The following ABCA5 variants were observed in gnomAD, a reference collection of about 807,000 sequenced individuals.
ABCA5 encodes cholesterol transporter ABCA5.
Under a neutral mutation model 206.0 loss-of-function variants are expected in ABCA5, and 163 were observed. That is an observed-to-expected ratio of 0.79 (90% confidence interval 0.70 to 0.90). The LOEUF is 0.90. ABCA5 is among the 40% of genes least tolerant of loss of function. The probability of loss-of-function intolerance (pLI) is 0.00; values close to 1 mark genes in which losing one functional copy is unlikely to be tolerated. For synonymous variants in ABCA5, 609 were observed against 613.8 expected, an observed-to-expected ratio of 0.99 and a Z score of 0.11; for missense variants, 1,859 against 1,912.9, an observed-to-expected ratio of 0.97 and a Z score of 0.53.
chr17:69,280,076 T>C (rs2075375116), intron 18 of ABCA5, among the ~76,000 whole-genome samples: 1 of 151,910 alleles, frequency 6.6e-6, no homozygotes, highest in Non-Finnish European at 1.5e-5. Context: ...CAAAAGAAAC[T>C]ACCATCAGAG....
At chr17:69,263,639 G>C (rs2075174086) in intron 24 of ABCA5, among the ~76,000 whole-genome samples, 1 of 145,628 alleles carries the variant, frequency 6.9e-6, no homozygotes. Flanking sequence ...AGCCTTTATA[G>C]TATAGTTTGA....
intron 1 of ABCA5, chr17:69,318,743 C>T: frequency 1.6e-6 from 1 of 638,896 alleles, no homozygotes. Context: ...ATGAGCAAAG[C>T]TTACACTCCC....
intron 9 of ABCA5, among the ~76,000 whole-genome samples, chr17:69,300,515 C>T (rs1365979565): frequency 2.0e-5 from 3 of 152,104 alleles, no homozygotes; most frequent in Admixed American, 6.6e-5. Flanking sequence ...CTAGATTGCA[C>T]CATGCAATTT....
chr17:69,250,043 G>T, intron 36 of ABCA5, 59 bp from the exon 37 acceptor site: 3 of 1,074,154 alleles, frequency 2.8e-6, no homozygotes, highest in Non-Finnish European at 3.8e-6. Context: ...ATGTTCTAAA[G>T]CTAAAGTTCA....
chr17:69,255,500 T>C (rs2075065180), intron 31 of ABCA5, 43 bp downstream of exon 31: 2 of 1,200,076 alleles, frequency 1.7e-6, no homozygotes, highest in Middle Eastern at 2.9e-4. Flanking sequence ...TAATTAACAA[T>C]ATAAATCACA....
intron 18 of ABCA5, among the ~76,000 whole-genome samples, chr17:69,278,167 G>C (rs916973293): frequency 6.6e-6 from 1 of 151,966 alleles, no homozygotes; most frequent in Non-Finnish European, 1.5e-5. Flanking sequence ...ACAAACTACT[G>C]TACCCATAAC....
Position 69,247,304 on chromosome 17 carries a change from CTA to C in ABCA5, c.*231_*232del, listed in dbSNP as rs1427606569. 1.8e-5 allele frequency: 6 copies of C among 339,146 alleles called. No homozygotes were observed. The highest frequency in any genetic ancestry group is 2.7e-5 in the Non-Finnish European group (5 of 188,344). The allele number at this position is 339,146 out of a possible 1,614,324, so 21.0% of individuals were successfully genotyped here. Reference sequence around the variant, plus strand: ...AATGGTGAAAAAGATGACATACAAACTATATAGTTCAATATACTTCAATACAA... The same window carrying C: ...AATGGTGAAAAAGATGACATACAAACTATAGTTCAATATACTTCAATACAA... On this transcript the variant is annotated 3_prime_UTR_variant, in exon 39 of 39. Transcript: ENST00000392676.
intron 24 of ABCA5, among the ~76,000 whole-genome samples, chr17:69,262,889 G>A (rs1047993851): frequency 2.6e-5 from 4 of 151,776 alleles, no homozygotes; most frequent in African/African-American, 7.3e-5. Flanking sequence ...CTGCAGCCTC[G>A]CCAGCATCTG....
Position 69,321,606 on chromosome 17 carries a change from A to C in ABCA5, c.-16+5446T>G, listed in dbSNP as rs142323046. ...TTGCCTCTAAATGGCAATATCTAGG[A>C]GTTCACTCACTAGCAGCTGAGTTAA... On this transcript the variant is annotated intron_variant, in intron 1 of 38. Coordinates refer to ENST00000392676, the MANE Select transcript of ABCA5 (RefSeq NM_172232.4). Among the ~76,000 whole-genome samples, 31 of 152,296 alleles carry C rather than the reference A, an allele frequency of 2.0e-4. No homozygotes were observed. In the East Asian group the frequency reaches 5.4e-3, roughly 27 times the overall value.
chr17:69,270,974 T>G (rs2075266912), intron 21 of ABCA5, among the ~76,000 whole-genome samples, 188 bp downstream of exon 21: 1 of 152,168 alleles, frequency 6.6e-6, no homozygotes, highest in South Asian at 2.1e-4. Flanking sequence ...ACTAAATTTC[T>G]GTAACTTTAT....
rs1260014189 is a variant in ABCA5, at chr17:69,254,413, T to A, written c.4146A>T (p.Ile1382=). 1 of 1,613,636 alleles carries A rather than the reference T, an allele frequency of 6.2e-7. No individual in the cohort carries two copies. Among genetic ancestry groups the A allele is most frequent in the African/African-American group, 1.3e-5 (1 of 74,910 alleles). ...ATGTAGTATCTGGCCACAAAGGGTT[T>A]ATCTGAGGACAGTAACCCATACACT... The part of the protein sequence containing the change: ...SLKCMGYCPQ[I]NPLWPDTTLQ... The change falls in exon 32 of 39, where the codon ATA becomes ATT. Residue 1382 remains isoleucine (I), a synonymous_variant. Coordinates refer to ENST00000392676, the MANE Select transcript of ABCA5 (RefSeq NM_172232.4).
rs145241457 is a variant in ABCA5, at chr17:69,289,255, T to A, written c.1824A>T (p.Lys608Asn). Residue 608 changes from lysine to asparagine, a missense_variant, in exon 14 of 39, where the codon AAA becomes AAT. Coordinates refer to ENST00000392676, the MANE Select transcript of ABCA5 (RefSeq NM_172232.4). ...VLLDLDMQTI[K>N]DNQAKKLSGG... Reference sequence around the variant, plus strand: ...CACTTAATTTTTTAGCTTGGTTATCTTTGATAGTCTGCATGTCTAAATCTA... The same window carrying A: ...CACTTAATTTTTTAGCTTGGTTATCATTGATAGTCTGCATGTCTAAATCTA... 3.7e-6 allele frequency: 6 copies of A among 1,606,776 alleles called. No homozygotes were observed. In the African/African-American group the frequency reaches 8.1e-5, roughly 22 times the overall value.
chr17:69,320,637 T>C (rs142419949), intron 1 of ABCA5, among the ~76,000 whole-genome samples: 152 of 152,318 alleles, frequency 1.0e-3, no homozygotes, highest in African/African-American at 3.5e-3. Flanking sequence ...TTAACATTAA[T>C]TCTTCATAAA....
Position 69,285,957 on chromosome 17 carries a change from T to C in ABCA5, c.2213A>G (p.Gln738Arg), listed in dbSNP as rs1257167162. 2 of 1,613,366 alleles carry C rather than the reference T, an allele frequency of 1.2e-6. No homozygotes were observed. Among genetic ancestry groups the C allele is most frequent in the African/African-American group, 2.7e-5 (2 of 75,014 alleles). ...KQHIPGATLL[Q>R]QNDQQLVYSL... is the part of the protein sequence containing the mutation. Reference sequence around the variant, plus strand: ...ATACACAAGTTGTTGGTCATTCTGTTGTAATAAAGTAGCTCCAGGTATATG... The same window carrying C: ...ATACACAAGTTGTTGGTCATTCTGTCGTAATAAAGTAGCTCCAGGTATATG... The change falls in exon 17 of 39, where the codon CAA becomes CGA. Residue 738 changes from glutamine to arginine, a missense_variant. By Grantham distance (43) the Gln-to-Arg change is conservative (BLOSUM62 1). Transcript: ENST00000392676.
At chr17:69,269,587 C>A (rs1420633088) in intron 22 of ABCA5, among the ~76,000 whole-genome samples, 1 of 152,090 alleles carries the variant, frequency 6.6e-6, no homozygotes, top group Non-Finnish European at 1.5e-5. Flanking sequence ...CATACAAAAT[C>A]TTCTACTCAA....
rs758266305 is a variant in ABCA5, at chr17:69,261,183, G to C, written c.3506C>G (p.Ala1169Gly). ...GYTIATILHY[A>G]FCIIIPIYPL... ...ATAGATTGGAATGATGATACAAAAG[G>C]CATAATGAAGAATAGTTGCAATTGT... Residue 1169 changes from alanine (A) to glycine (G), a missense_variant, in exon 26 of 39, where the codon GCC (alanine) becomes GGC (glycine). Ala to Gly is a moderately conservative substitution (Grantham distance 60). Coordinates refer to ENST00000392676, the MANE Select transcript of ABCA5 (RefSeq NM_172232.4). 1.1e-5 allele frequency: 17 copies of C among 1,607,026 alleles called. No homozygotes were observed. In the South Asian group the frequency reaches 1.7e-4, roughly 16 times the overall value.
chr17:69,326,007 T>A lies in ABCA5; in HGVS notation c.-16+1045A>T, dbSNP rs1461378699. Among the ~76,000 whole-genome samples, 1 of 152,216 alleles carries A rather than the reference T, an allele frequency of 6.6e-6. No homozygotes were observed. The highest frequency in any genetic ancestry group is 1.9e-4 in the East Asian group (1 of 5,202). On this transcript the variant is annotated intron_variant, in intron 1 of 38. Coordinates refer to ENST00000392676, the MANE Select transcript of ABCA5 (RefSeq NM_172232.4). The surrounding 1 kb of genome is among the most constrained non-coding windows in gnomAD (Gnocchi z 4.8). ...CACAAAGCCCTAACTGCCCTAATAATGTTCCCTACTATGGAGTCTTCCCTA... is the reference window on the plus strand; with the variant it reads ...CACAAAGCCCTAACTGCCCTAATAAAGTTCCCTACTATGGAGTCTTCCCTA...
intron 29 of ABCA5, 145 bp downstream of exon 29, chr17:69,256,012 G>T: frequency 4.2e-6 from 5 of 1,200,590 alleles, no homozygotes; most frequent in Non-Finnish European, 5.7e-6. Flanking sequence ...TTATTCAAAA[G>T]TAAGTAAACG....
chr17:69,317,004 C>T (rs888142046), intron 1 of ABCA5: 1 of 152,214 alleles, frequency 6.6e-6, no homozygotes, highest in South Asian at 2.1e-4. Flanking sequence ...CACAGTAGTG[C>T]TATTCAGAAT....
Sources: allele counts gnomAD v4.1 joint callset (sites outside exome capture counted in the v4.1 genomes callset), GRCh38; gene constraint gnomAD v4.1.1; non-coding constraint Gnocchi (gnomAD v3.1); transcripts MANE v1.5; gene names NCBI Gene and HGNC (gene_info 2026-07-23, HGNC 2026-07-21).